The following NTM variants were observed in gnomAD, a reference collection of about 807,000 sequenced individuals.
NTM encodes IgLON family member 2.
NTM carries 13 observed loss-of-function variants against 42.1 expected under a neutral mutation model. The observed-to-expected ratio is 0.31, with a 90% CI of 0.20 to 0.49. NTM has a LOEUF of 0.49. Ranked by LOEUF, NTM falls within the 20% of genes least tolerant of loss-of-function variation. The probability of loss-of-function intolerance (pLI) is 0.99; values close to 1 mark genes in which losing one functional copy is unlikely to be tolerated. For missense variants in NTM, 373 were observed against 452.8 expected (o/e 0.82, Z 1.60); for synonymous variants, 187 against 179.2 (o/e 1.04, Z -0.35).
At chr11:131,662,865 T>C (rs1366241892) in intron 1 of NTM, among the ~76,000 whole-genome samples, 1 of 152,110 alleles carries the variant, frequency 6.6e-6, no homozygotes, top group East Asian at 1.9e-4. Context: ...ATGAAGGCAG[T>C]CCCTCAGAAT....
intron 1 of NTM, among the ~76,000 whole-genome samples, chr11:131,615,537 T>C (rs541060136): frequency 8.5e-5 from 13 of 152,088 alleles, no homozygotes; most frequent in Admixed American, 5.2e-4. Context: ...GGCTAATTTT[T>C]TTGTAATTTT....
chr11:131,877,377 T>C (rs1207823674), intron 1 of NTM, among the ~76,000 whole-genome samples: 2 of 152,198 alleles, frequency 1.3e-5, no homozygotes, highest in Admixed American at 6.5e-5. Flanking sequence ...AGGAGTAGGC[T>C]ATCTTCAAGA....
chr11:131,553,781 A>G (rs117198957), intron 1 of NTM, among the ~76,000 whole-genome samples: 3,091 of 152,332 alleles, frequency 0.02, 217 homozygotes, highest in Admixed American at 0.14. Flanking sequence ...AAAGCAAGTT[A>G]TATCATAGTT....
chr11:131,584,933 C>T (rs1221103797), intron 1 of NTM, among the ~76,000 whole-genome samples: 1 of 151,474 alleles, frequency 6.6e-6, no homozygotes, highest in Non-Finnish European at 1.5e-5. Flanking sequence ...GAATAGGGAA[C>T]GATGGTGGAG....
intron 1 of NTM, among the ~76,000 whole-genome samples, chr11:131,373,711 C>T (rs1362792549): frequency 6.6e-6 from 1 of 152,116 alleles, no homozygotes; most frequent in Non-Finnish European, 1.5e-5. Flanking sequence ...GCTGCAGCTT[C>T]CTCTTTCTAG....
chr11:132,203,673 C>T (rs755421699), intron 3 of NTM, among the ~76,000 whole-genome samples: 1 of 152,242 alleles, frequency 6.6e-6, no homozygotes, highest in African/African-American at 2.4e-5. Context: ...GGGCAGATCA[C>T]GAGGTCAGGA....
chr11:131,749,941 G>A (rs2082278967), intron 1 of NTM, among the ~76,000 whole-genome samples: 1 of 152,144 alleles, frequency 6.6e-6, no homozygotes, highest in Non-Finnish European at 1.5e-5. Context: ...GGCAGACACC[G>A]AATCTTAAAC....
chr11:131,650,958 T>A (rs2066407460), intron 1 of NTM, among the ~76,000 whole-genome samples: 1 of 152,206 alleles, frequency 6.6e-6, no homozygotes, highest in South Asian at 2.1e-4. Context: ...ATAAATTTAA[T>A]CTATTGACCA....
intron 4 of NTM, among the ~76,000 whole-genome samples, chr11:132,278,186 G>A (rs1177525157): frequency 6.6e-6 from 1 of 152,176 alleles, no homozygotes; most frequent in Non-Finnish European, 1.5e-5. Flanking sequence ...CTTGGCCTCT[G>A]TTGTACTTAG....
chr11:131,948,627 C>A (rs901745179), intron 2 of NTM, among the ~76,000 whole-genome samples: 1 of 152,150 alleles, frequency 6.6e-6, no homozygotes, highest in Non-Finnish European at 1.5e-5. Flanking sequence ...TTTGTACTTG[C>A]TGTTCTCTCT....
At chr11:131,938,324 T>C (rs1007427173) in intron 2 of NTM, among the ~76,000 whole-genome samples, 1 of 152,156 alleles carries the variant, frequency 6.6e-6, no homozygotes, top group African/African-American at 2.4e-5. Flanking sequence ...GAGGCAGCCA[T>C]GCACAGAGCC....
At chr11:131,608,306 T>C (rs2061170025) in intron 1 of NTM, among the ~76,000 whole-genome samples, 1 of 152,154 alleles carries the variant, frequency 6.6e-6, no homozygotes, top group African/African-American at 2.4e-5. Flanking sequence ...TCGTTGGACA[T>C]TTGGGTTACA....
chr11:131,453,045 G>T (rs1008379134), intron 1 of NTM, among the ~76,000 whole-genome samples: 3 of 152,202 alleles, frequency 2.0e-5, no homozygotes, highest in African/African-American at 7.2e-5. Context: ...CAGCTCAGCA[G>T]AGCTGTCTGT....
chr11:132,305,300 T>C (rs1373920208), intron 4 of NTM, among the ~76,000 whole-genome samples: 2 of 152,208 alleles, frequency 1.3e-5, no homozygotes, highest in African/African-American at 4.8e-5. Context: ...TCTTTTTGTT[T>C]GTTTCCCCGC....
In NTM at chr11:131,705,586, C is replaced by T. The variant is rs148757257; in HGVS notation, c.83-205978C>T. 9.3e-3 allele frequency among the ~76,000 whole-genome samples: 1,413 copies of T among 152,112 alleles called. 11 individuals are homozygous for T. The highest frequency in any genetic ancestry group is 0.048 in the Middle Eastern group (14 of 294). ...TGCTGTAATGATGGTGTATAAATTA[C>T]CTCTAATTCTGCTATAGAAGTTAAA... On this transcript the variant is annotated intron_variant, in intron 1 of 8. Coordinates refer to ENST00000683400, the MANE Select transcript of NTM (RefSeq NM_001352005.2).
At chr11:132,124,451 T>A (rs11222948) in intron 2 of NTM, among the ~76,000 whole-genome samples, 24,323 of 152,226 alleles carry the variant, frequency 0.16, 2,042 homozygotes, top group African/African-American at 0.2. Flanking sequence ...TAACTTAAAA[T>A]GCCCTTCACG....
At chr11:132,320,276 C>A (rs555045068) in intron 7 of NTM, among the ~76,000 whole-genome samples, 45 of 152,324 alleles carry the variant, frequency 3.0e-4, no homozygotes, top group African/African-American at 1.0e-3. Flanking sequence ...GGGTTCATCT[C>A]ATTAAGGAGT....
intron 2 of NTM, among the ~76,000 whole-genome samples, chr11:131,986,707 T>C (rs558482842): frequency 6.6e-6 from 1 of 152,296 alleles, no homozygotes; most frequent in Admixed American, 6.5e-5. Flanking sequence ...GCCTTCCTTA[T>C]TAGGAATATA....
intron 2 of NTM, among the ~76,000 whole-genome samples, chr11:132,124,188 A>G (rs995486956): frequency 6.6e-6 from 1 of 151,946 alleles, no homozygotes; most frequent in Non-Finnish European, 1.5e-5. Context: ...CCTTTCTGCT[A>G]TTGCCCCTCC....
Sources: allele counts gnomAD v4.1 joint callset (sites outside exome capture counted in the v4.1 genomes callset), GRCh38; gene constraint gnomAD v4.1.1; transcripts MANE v1.5; gene names NCBI Gene and HGNC (gene_info 2026-07-23, HGNC 2026-07-21).